Variants in SEM1 observed in about 807,000 individuals in gnomAD.
SEM1 encodes the protein SEM1 26S proteasome subunit.
A neutral mutation model predicts 12.7 loss-of-function variants in SEM1; 3 were observed. The observed-to-expected ratio is 0.24, with a 90% CI of 0.11 to 0.61. The LOEUF (loss-of-function observed/expected upper bound fraction) is 0.61. Among genes scored for constraint, SEM1 ranks in the 20% least tolerant of loss-of-function variants. SEM1 has a pLI of 0.88. For synonymous variants in SEM1, 30 were observed against 27.8 expected, an observed-to-expected ratio of 1.08 and a Z score of -0.25; for missense variants, 59 against 81.3, an observed-to-expected ratio of 0.73 and a Z score of 1.06.
chr7:96,490,145 G>GTAT (rs1802947088), intron 1 of SEM1, among the ~76,000 whole-genome samples: 2 of 152,182 alleles, frequency 1.3e-5, no homozygotes, highest in South Asian at 4.2e-4. Flanking sequence ...GGATGAGCCT[G>GTAT]TATACCCTCT....
At chr7:96,489,578 G>A (rs1361419218) in intron 1 of SEM1, among the ~76,000 whole-genome samples, 1 of 152,166 alleles carries the variant, frequency 6.6e-6, no homozygotes, top group Non-Finnish European at 1.5e-5. Context: ...GCCTGTATTA[G>A]TTTTCTAGAC....
chr7:96,582,949 G>A (rs1466837760), intron 2 of SEM1, among the ~76,000 whole-genome samples: 1 of 152,146 alleles, frequency 6.6e-6, no homozygotes, highest in Non-Finnish European at 1.5e-5. Context: ...ATTTTTTGAA[G>A]GGTTTTTTGT....
At chr7:96,597,907 A>T (rs544792661) in intron 2 of SEM1, among the ~76,000 whole-genome samples, 1 of 152,144 alleles carries the variant, frequency 6.6e-6, no homozygotes, top group Non-Finnish European at 1.5e-5. Flanking sequence ...ACATATATAT[A>T]GTTCTCACCT....
At position 96,709,721 on chromosome 7, in the gene SEM1, C is replaced by T; in HGVS notation, c.43G>A (p.Glu15Lys). The T allele has an allele frequency of 6.2e-7, 1 of 1,613,932 alleles. No individual in the cohort carries two copies. ...KQPVDLGLLE[E>K]DDEFEEFPAE... ...GGGAACTCTTCAAACTCGTCGTCTTCCTCTAACAGACCTAAGTCTACCGGC... is the reference window on the plus strand; with the variant it reads ...GGGAACTCTTCAAACTCGTCGTCTTTCTCTAACAGACCTAAGTCTACCGGC... Residue 15 changes from glutamate (E) to lysine (K), a missense_variant, in exon 1 of 3, where the codon GAA (glutamate) becomes AAA (lysine). Glu to Lys is a moderately conservative substitution (Grantham distance 56). Transcript: ENST00000248566.
chr7:96,610,005 C>T (rs1312679796), intron 2 of SEM1, among the ~76,000 whole-genome samples: 1 of 151,912 alleles, frequency 6.6e-6, no homozygotes, highest in Non-Finnish European at 1.5e-5. Context: ...CCAGGCTGGA[C>T]CAGTTAAAGA....
chr7:96,519,638 AG>A (rs1368847772), intron 2 of SEM1, among the ~76,000 whole-genome samples: 1 of 152,112 alleles, frequency 6.6e-6, no homozygotes, highest in Non-Finnish European at 1.5e-5. Context: ...CTCCAGGCAG[AG>A]GGAGTCATCA....
Position 96,682,522 on chromosome 7 carries a change from T to C in SEM1, c.171-8663A>G, listed in dbSNP as rs549874591. On this transcript the variant is annotated intron_variant, in intron 2 of 2. Coordinates refer to the SEM1 transcript ENST00000413065. ...ATTCAGTATGACATTGGCTGTGGGT[T>C]TGTCATAAATAGCTCTTACTATTTT... is the stretch of plus-strand genomic sequence containing the variant. 3.3e-5 allele frequency among the ~76,000 whole-genome samples: 5 copies of C among 152,196 alleles called. No individual in the cohort carries two copies. In the East Asian group the frequency reaches 7.7e-4, roughly 24 times the overall value.
At chr7:96,529,780 C>T (rs956419632) in intron 2 of SEM1, among the ~76,000 whole-genome samples, 2 of 152,094 alleles carry the variant, frequency 1.3e-5, no homozygotes, top group Non-Finnish European at 2.9e-5. Flanking sequence ...AAATGTTTTT[C>T]ATGTATAGTA....
At chr7:96,690,947 AT>A (rs1789913470) in intron 2 of SEM1, among the ~76,000 whole-genome samples, 1 of 151,868 alleles carries the variant, frequency 6.6e-6, no homozygotes, top group South Asian at 2.1e-4. Flanking sequence ...ATTTTTTTGT[AT>A]TTTTAGTAGA....
At chr7:96,515,454 G>C (rs1804060864) in intron 2 of SEM1, among the ~76,000 whole-genome samples, 1 of 152,146 alleles carries the variant, frequency 6.6e-6, no homozygotes, top group South Asian at 2.1e-4. Flanking sequence ...CAACCATTGT[G>C]GAAGACAGTG....
chr7:96,655,748 CCT>C (rs1463631285), intron 2 of SEM1, among the ~76,000 whole-genome samples: 7 of 152,088 alleles, frequency 4.6e-5, no homozygotes, highest in Non-Finnish European at 1.0e-4. Flanking sequence ...TTTTTCTCAC[CCT>C]GTTTGTTTTA....
chr7:96,650,425 C>G (rs1041912378), intron 2 of SEM1: 3 of 710,016 alleles, frequency 4.2e-6, no homozygotes, highest in Non-Finnish European at 7.7e-6. Flanking sequence ...TAGATGGGCA[C>G]CTCGCCCAAT....
intron 2 of SEM1, among the ~76,000 whole-genome samples, chr7:96,691,218 C>A (rs1352617963): frequency 1.3e-5 from 2 of 152,196 alleles, no homozygotes; most frequent in Non-Finnish European, 1.5e-5. Context: ...AACAAAGTGG[C>A]CTTATTCTTT....
chr7:96,675,672 A>T (rs757651324), intron 2 of SEM1, among the ~76,000 whole-genome samples: 5 of 152,124 alleles, frequency 3.3e-5, no homozygotes, highest in Non-Finnish European at 7.4e-5. Context: ...CTACTTCAGA[A>T]GCTGAGGAGC....
downstream of SEM1, among the ~76,000 whole-genome samples, chr7:96,685,805 G>A (rs1789746220): frequency 6.7e-6 from 1 of 149,536 alleles, no homozygotes; most frequent in African/African-American, 2.5e-5. Flanking sequence ...AAAAAAAATT[G>A]ATTGATTACC....
rs115601806 is a variant in SEM1 at position 96,513,844 on chromosome 7, C to T, written c.171-7146G>A. Among the ~76,000 whole-genome samples the T allele has an allele frequency of 5.5e-3, 830 of 151,736 alleles. 8 individuals carry two copies. Among genetic ancestry groups the T allele is most frequent in the African/African-American group, 0.019 (784 of 41,392 alleles). On this transcript the variant is annotated intron_variant and NMD_transcript_variant, in intron 2 of 3. Coordinates refer to the SEM1 transcript ENST00000466986. The stretch of plus-strand genomic sequence containing the variant: ...ACTCTGTCTCAAAAATAAAAAAATT[C>T]GTTATAAAAATGAGATTATACCATA...
intron 2 of SEM1, among the ~76,000 whole-genome samples, chr7:96,651,034 G>T (rs994983623): frequency 6.6e-6 from 1 of 152,182 alleles, no homozygotes; most frequent in Non-Finnish European, 1.5e-5. Flanking sequence ...TAACAGCAAA[G>T]TCAGTAGTCT....
At chr7:96,648,883 A>G (rs1808881949) in intron 2 of SEM1, among the ~76,000 whole-genome samples, 3 of 152,202 alleles carry the variant, frequency 2.0e-5, no homozygotes, top group Non-Finnish European at 2.9e-5. Context: ...AGCATATATC[A>G]GCTGTCTGAG....
intron 2 of SEM1, among the ~76,000 whole-genome samples, chr7:96,535,451 C>A (rs759756967): frequency 6.6e-6 from 1 of 151,640 alleles, no homozygotes; most frequent in Non-Finnish European, 1.5e-5. Context: ...TTTTAATTTT[C>A]TTTTTTATTA....
Sources: allele counts gnomAD v4.1 joint callset (sites outside exome capture counted in the v4.1 genomes callset), GRCh38; gene constraint gnomAD v4.1.1; transcripts MANE v1.5; gene names NCBI Gene and HGNC (gene_info 2026-07-23, HGNC 2026-07-21).